Variants in SERINC5 observed in about 807,000 individuals in gnomAD.
SERINC5 encodes the protein chromosome 5 open reading frame 12.
Under a neutral mutation model 63.1 loss-of-function variants are expected in SERINC5, and 41 were observed. The ratio of observed to expected loss-of-function variants is 0.65; its 90% CI spans 0.51 to 0.84. The LOEUF (loss-of-function observed/expected upper bound fraction) is 0.84. SERINC5 is among the 40% of genes least tolerant of loss of function. The pLI is 0.00. For missense variants in SERINC5, 523 were observed against 573.0 expected, an observed-to-expected ratio of 0.91 and a Z score of 0.89; for synonymous variants, 222 against 215.2, an observed-to-expected ratio of 1.03 and a Z score of -0.28.
chr5:80,242,531 C>T (rs1307966916), intron 1 of SERINC5, among the ~76,000 whole-genome samples: 2 of 151,986 alleles, frequency 1.3e-5, no homozygotes, highest in Non-Finnish European at 2.9e-5. Flanking sequence ...GCGGGTGGAT[C>T]ACGAGGTCAA....
chr5:80,183,431 G>C (rs946893059), intron 2 of SERINC5, among the ~76,000 whole-genome samples: 11 of 152,164 alleles, frequency 7.2e-5, no homozygotes, highest in African/African-American at 2.7e-4. Flanking sequence ...ACAGCAATTG[G>C]GGCTGGATAC....
intron 1 of SERINC5, among the ~76,000 whole-genome samples, chr5:80,218,325 G>A (rs1750759338): frequency 6.6e-6 from 1 of 152,186 alleles, no homozygotes; most frequent in Admixed American, 6.5e-5. Flanking sequence ...CGGATCACCT[G>A]AGGTCGGAAG....
chr5:80,134,128 T>C (rs1321745538), downstream of SERINC5, among the ~76,000 whole-genome samples: 2 of 152,122 alleles, frequency 1.3e-5, no homozygotes, highest in African/African-American at 4.8e-5. Context: ...GCAAAGGCAG[T>C]TTATAGTTCC....
In SERINC5 at chr5:80,174,989, C is replaced by T; in HGVS notation, c.516G>A (p.Leu172=). The T allele has an allele frequency of 6.2e-7, 1 of 1,603,178 alleles. No individual in the cohort carries two copies. The highest frequency in any genetic ancestry group is 8.5e-7 in the Non-Finnish European group (1 of 1,174,656). ...GFLFIGIQLL[L]LVEFAHKWNK... is the part of the protein sequence containing the mutation. ...TCCACTTATGTGCAAACTCCACGAG[C>T]AGGAGGAGCTGGATGCCAATGAAGA... Residue 172 remains leucine, a synonymous_variant, in exon 5 of 12, where the codon CTG becomes CTA. Coordinates refer to ENST00000507668, the MANE Select transcript of SERINC5 (RefSeq NM_001174072.3).
intron 2 of SERINC5, among the ~76,000 whole-genome samples, chr5:80,190,857 C>G (rs1027852907): frequency 6.6e-6 from 1 of 152,170 alleles, no homozygotes; most frequent in Non-Finnish European, 1.5e-5. Flanking sequence ...GCCCCAGCAT[C>G]TTTCTTATAT....
chr5:80,140,263 T>C lies in SERINC5; in HGVS notation c.*3400A>G, dbSNP rs1745422188. ...TCAAGCCTGCCATGAGTCAAGATCA[T>C]GTCACTGCACTCCAGCGTGGCTGAC... is the stretch of plus-strand genomic sequence containing the variant. On this transcript the variant is annotated 3_prime_UTR_variant, in exon 12 of 12. Coordinates refer to ENST00000507668, the MANE Select transcript of SERINC5 (RefSeq NM_001174072.3). The C allele has an allele frequency of 2.2e-6, 2 of 914,338 alleles. No homozygotes were observed. The highest frequency in any genetic ancestry group is 2.5e-6 in the Non-Finnish European group (2 of 787,774). 56.6% of individuals were successfully genotyped at this position (914,338 alleles called of 1,614,324 possible).
At chr5:80,209,811 C>A (rs1004598944) in intron 1 of SERINC5, among the ~76,000 whole-genome samples, 2 of 152,114 alleles carry the variant, frequency 1.3e-5, no homozygotes, top group Non-Finnish European at 2.9e-5. Context: ...AGGCACCCAG[C>A]ACTGGGTAGG....
At chr5:80,193,248 T>C (rs531686556) in intron 2 of SERINC5, among the ~76,000 whole-genome samples, 26 of 152,344 alleles carry the variant, frequency 1.7e-4, no homozygotes, top group Non-Finnish European at 1.0e-4. Context: ...TATCTATGCA[T>C]TGTTTCCTGT....
At chr5:80,216,455 T>C (rs371042726) in intron 1 of SERINC5, among the ~76,000 whole-genome samples, 3 of 152,202 alleles carry the variant, frequency 2.0e-5, no homozygotes, top group Non-Finnish European at 2.9e-5. Flanking sequence ...TGGCAACTTA[T>C]GTGTGTGAGA....
At chr5:80,146,002 T>G in intron 11 of SERINC5, 88 bp downstream of exon 11, 2 of 1,400,612 alleles carry the variant, frequency 1.4e-6, no homozygotes, top group South Asian at 2.5e-5. Flanking sequence ...AGAGTGAGAC[T>G]CCTTCTCAAA....
chr5:80,189,130 A>C (rs1749023304), intron 2 of SERINC5, among the ~76,000 whole-genome samples: 1 of 152,186 alleles, frequency 6.6e-6, no homozygotes, highest in Non-Finnish European at 1.5e-5. Context: ...GCTTTATGAC[A>C]GAAGTCATAA....
chr5:80,185,842 G>T (rs1277814266), intron 2 of SERINC5, among the ~76,000 whole-genome samples: 2 of 152,016 alleles, frequency 1.3e-5, no homozygotes, highest in Non-Finnish European at 2.9e-5. Context: ...GTTAAGGCGG[G>T]GCAGGGCACA....
intron 1 of SERINC5, among the ~76,000 whole-genome samples, chr5:80,215,269 ACT>A (rs141561692): frequency 5.4e-5 from 8 of 148,460 alleles, no homozygotes; most frequent in Non-Finnish European, 7.5e-5. Context: ...GATATCTCCC[ACT>A]CTCTCTCTCT....
At chr5:80,168,042 C>T (rs947008069) in intron 6 of SERINC5, among the ~76,000 whole-genome samples, 1 of 152,146 alleles carries the variant, frequency 6.6e-6, no homozygotes, top group African/African-American at 2.4e-5. Flanking sequence ...ATCCCTATTT[C>T]AAAAGGTAGG....
At chr5:80,143,989 G>GCACCC in intron 11 of SERINC5, 179 bp from the exon 12 acceptor site, 1 of 734,856 alleles carries the variant, frequency 1.4e-6, no homozygotes. Context: ...AAGAAATCAT[G>GCACCC]CACCCCTTAG....
intron 1 of SERINC5, among the ~76,000 whole-genome samples, chr5:80,239,085 A>G (rs1751838326): frequency 6.6e-6 from 1 of 152,166 alleles, no homozygotes; most frequent in Non-Finnish European, 1.5e-5. Flanking sequence ...TTCCTGAAAA[A>G]AACTTATTAG....
intron 11 of SERINC5, among the ~76,000 whole-genome samples, chr5:80,119,743 GCACATCTGAATAACC>G (rs1226435752): frequency 6.6e-6 from 1 of 152,160 alleles, no homozygotes; most frequent in Middle Eastern, 3.2e-3. Flanking sequence ...AAACATTACA[GCACATCTGAATAACC>G]CAGAGAGCTT....
At chr5:80,121,780 T>C (rs1744551440) in intron 11 of SERINC5, among the ~76,000 whole-genome samples, 1 of 152,226 alleles carries the variant, frequency 6.6e-6, no homozygotes, top group Middle Eastern at 3.4e-3. Context: ...GTGTGTCACA[T>C]GGCGACAGAG....
At position 80,169,490 on chromosome 5, in the gene SERINC5, A is replaced by G; in HGVS notation, c.608T>C (p.Leu203Pro). 6.2e-7 allele frequency: 1 copy of G among 1,613,920 alleles called. No individual in the cohort carries two copies. The highest frequency in any genetic ancestry group is 8.5e-7 in the Non-Finnish European group (1 of 1,179,864). The change falls in exon 6 of 12, where the codon CTC (leucine) becomes CCC (proline). Residue 203 changes from leucine (L) to proline (P), a missense_variant. Physicochemically the swap from Leu to Pro is moderately conservative, Grantham distance 98 (BLOSUM62 -3). Coordinates refer to ENST00000507668, the MANE Select transcript of SERINC5 (RefSeq NM_001174072.3). ...LWYASLALVT[L>P]IMYSIATGGL... ...TCCAGTGGCAATGGAATACATGATG[A>G]GCGTCACCAGGGCCAGGGAGGCGTA...
Sources: allele counts gnomAD v4.1 joint callset (sites outside exome capture counted in the v4.1 genomes callset), GRCh38; gene constraint gnomAD v4.1.1; transcripts MANE v1.5; gene names NCBI Gene and HGNC (gene_info 2026-07-23, HGNC 2026-07-21).